The following RPS6KB1 variants were observed in gnomAD, a reference collection of about 807,000 sequenced individuals.
The protein encoded by RPS6KB1 is ribosomal protein S6 kinase beta-1.
RPS6KB1 carries 12 observed loss-of-function variants against 70.2 expected under a neutral mutation model. The observed-to-expected ratio is 0.17, with a 90% CI of 0.11 to 0.28. The LOEUF is 0.28. Ranked by LOEUF, RPS6KB1 falls within the 10% of genes least tolerant of loss-of-function variation. The probability of loss-of-function intolerance (pLI) is 1.00; values close to 1 mark genes in which losing one functional copy is unlikely to be tolerated. For synonymous variants in RPS6KB1, 175 were observed against 211.2 expected (o/e 0.83, Z 1.49); for missense variants, 270 against 646.6 (o/e 0.42, Z 6.32).
At chr17:59,911,074 GGAGTTC>G (rs2042602516) in intron 2 of RPS6KB1, among the ~76,000 whole-genome samples, 1 of 152,198 alleles carries the variant, frequency 6.6e-6, no homozygotes, top group Non-Finnish European at 1.5e-5. Context: ...TTTGAGATCA[GGAGTTC>G]GAGACCAGCC....
chr17:59,934,705 C>T lies in RPS6KB1; in HGVS notation c.870+181C>T. The stretch of plus-strand genomic sequence containing the variant: ...ATATGGGATCCCATACTTTCCGAAA[C>T]ATTTTCTTTTAAATGATCTATGTCA... On this transcript the variant is annotated intron_variant, in intron 9 of 14. Coordinates refer to ENST00000225577, the MANE Select transcript of RPS6KB1 (RefSeq NM_003161.4). The surrounding 1 kb of genome is among the most constrained non-coding windows in gnomAD (Gnocchi z 4.8). The T allele has an allele frequency of 1.9e-6, 1 of 528,692 alleles. No homozygotes were observed. Among genetic ancestry groups the T allele is most frequent in the South Asian group, 3.2e-5 (1 of 31,522 alleles). The allele number at this position is 528,692 out of a possible 1,614,324, so 32.8% of individuals were successfully genotyped here. A position where few individuals can be genotyped will look rare whatever the true frequency, so the allele number is the denominator to read the frequency against.
chr17:59,904,931 G>T (rs964712678), intron 1 of RPS6KB1, among the ~76,000 whole-genome samples: 3 of 151,656 alleles, frequency 2.0e-5, no homozygotes, highest in Non-Finnish European at 4.4e-5. Flanking sequence ...TCCTGACCTT[G>T]TGATCTGTCT....
rs1347944659 is a variant in RPS6KB1, at chr17:59,946,493, T to TA, written c.1341-57dup. ...CCACTCCCTTTAAACGTAAAGGAAA[T>TA]ATGTCTTGTTGAGATGACCCTTAAG... On this transcript the variant is annotated intron_variant, in intron 14 of 14. Transcript: ENST00000225577. This position sits in a 1 kb window ranked among gnomAD's most constrained non-coding sequence, Gnocchi z 4.2. 1.2e-5 allele frequency: 15 copies of TA among 1,255,802 alleles called. No individual in the cohort carries two copies. The highest frequency in any genetic ancestry group is 1.6e-5 in the Non-Finnish European group (14 of 859,608). The allele number at this position is 1,255,802 out of a possible 1,614,324, so 77.8% of individuals were successfully genotyped here.
At chr17:59,941,951 C>T (rs540080202) in intron 13 of RPS6KB1, among the ~76,000 whole-genome samples, 50 of 150,860 alleles carry the variant, frequency 3.3e-4, no homozygotes, top group South Asian at 1.5e-3. Flanking sequence ...CTCCACCTCC[C>T]GGGTTCACAC....
At chr17:59,896,148 C>T (rs2041545536) in intron 1 of RPS6KB1, among the ~76,000 whole-genome samples, 2 of 152,080 alleles carry the variant, frequency 1.3e-5, no homozygotes, top group Admixed American at 6.6e-5. Context: ...TTTATATCTT[C>T]ATTAGTTGAA....
intron 2 of RPS6KB1, among the ~76,000 whole-genome samples, chr17:59,911,005 G>A (rs1448819476): frequency 6.6e-6 from 1 of 152,130 alleles, no homozygotes; most frequent in African/African-American, 2.4e-5. Flanking sequence ...CAATCCGGCT[G>A]GGCACAGTGG....
intron 1 of RPS6KB1, among the ~76,000 whole-genome samples, chr17:59,901,564 T>C (rs1219151475): frequency 7.4e-6 from 1 of 135,260 alleles, no homozygotes; most frequent in African/African-American, 2.9e-5. Context: ...CCAAGGCAGA[T>C]GGAGCGCATG....
At position 59,946,876 on chromosome 17, in the gene RPS6KB1, C is replaced by T; in HGVS notation, c.*88C>T. On this transcript the variant is annotated 3_prime_UTR_variant, in exon 15 of 15. Transcript: ENST00000225577. This position sits in a 1 kb window ranked among gnomAD's most constrained non-coding sequence, Gnocchi z 4.2. Reference sequence around the variant, plus strand: ...TGCAAGGTGAAACGACTCAAAATGACAGTTTCAGAGAGTCAATGTCATTAC... The same window carrying T: ...TGCAAGGTGAAACGACTCAAAATGATAGTTTCAGAGAGTCAATGTCATTAC... The T allele has an allele frequency of 6.3e-7, 1 of 1,583,940 alleles. No individual in the cohort carries two copies. The highest frequency in any genetic ancestry group is 8.6e-7 in the Non-Finnish European group (1 of 1,162,634).
intron 1 of RPS6KB1, among the ~76,000 whole-genome samples, chr17:59,900,789 GTT>G (rs1390029829): frequency 2.6e-5 from 4 of 152,050 alleles, no homozygotes. Context: ...GTTTTTTGTT[GTT>G]TTTTGTTTAT....
chr17:59,908,810 G>C (rs1362794567), intron 1 of RPS6KB1, among the ~76,000 whole-genome samples: 2 of 142,086 alleles, frequency 1.4e-5, no homozygotes, highest in African/African-American at 5.4e-5. Context: ...AGTAGAGACG[G>C]GGTTTCACCG....
intron 1 of RPS6KB1, among the ~76,000 whole-genome samples, chr17:59,894,467 C>T (rs1330267791): frequency 1.3e-5 from 2 of 152,186 alleles, no homozygotes; most frequent in African/African-American, 2.4e-5. Context: ...ACAGGGGCTT[C>T]CTTTCCCTTG....
Position 59,930,072 on chromosome 17 carries a change from A to T in RPS6KB1, c.530-45A>T, listed in dbSNP as rs551461954. Reference sequence around the variant, plus strand: ...ACTCTCTCATTAGAAGTGGGTTGGAAATAAATATTGTTTTATTTATAATGT... The same window carrying T: ...ACTCTCTCATTAGAAGTGGGTTGGATATAAATATTGTTTTATTTATAATGT... On this transcript the variant is annotated intron_variant, in intron 5 of 14. Coordinates refer to ENST00000225577, the MANE Select transcript of RPS6KB1 (RefSeq NM_003161.4). 7 of 1,003,218 alleles carry T rather than the reference A, an allele frequency of 7.0e-6. No individual in the cohort carries two copies. The East Asian group carries it at 1.7e-4, about 24-fold the overall frequency. 62.1% of individuals were successfully genotyped at this position (1,003,218 alleles called of 1,614,324 possible).
chr17:59,934,846 C>T lies in RPS6KB1; in HGVS notation c.870+322C>T. On this transcript the variant is annotated intron_variant, in intron 9 of 14. Coordinates refer to ENST00000225577, the MANE Select transcript of RPS6KB1 (RefSeq NM_003161.4). The surrounding 1 kb of genome is among the most constrained non-coding windows in gnomAD (Gnocchi z 4.8). ...ACACAGAAAGTTAATGGTGGAAACACAGGCTTCCTTCCAGGACACTGCTAC... is the reference window on the plus strand; with the variant it reads ...ACACAGAAAGTTAATGGTGGAAACATAGGCTTCCTTCCAGGACACTGCTAC... 2.6e-6 allele frequency: 1 copy of T among 377,822 alleles called. No homozygotes were observed. The highest frequency in any genetic ancestry group is 5.1e-5 in the East Asian group (1 of 19,726). The allele number at this position is 377,822 out of a possible 1,614,324, so 23.4% of individuals were successfully genotyped here.
At chr17:59,939,999 A>G (rs377486583) in intron 12 of RPS6KB1, among the ~76,000 whole-genome samples, 2 of 152,224 alleles carry the variant, frequency 1.3e-5, no homozygotes, top group African/African-American at 4.8e-5. Context: ...TAACTTATAA[A>G]CCATGCAGAA....
chr17:59,929,765 A>G (rs1051799155), intron 5 of RPS6KB1, among the ~76,000 whole-genome samples: 3 of 152,218 alleles, frequency 2.0e-5, no homozygotes, highest in Admixed American at 6.5e-5. Flanking sequence ...ATTGTAGACT[A>G]TCATTTTTCT....
At chr17:59,930,298 G>C (rs1331085115) in intron 6 of RPS6KB1, 124 bp downstream of exon 6, 6 of 733,768 alleles carry the variant, frequency 8.2e-6, no homozygotes, top group Non-Finnish European at 1.3e-5. Context: ...GGACCTCAAG[G>C]GGGAGAAGCA....
intron 1 of RPS6KB1, chr17:59,906,875 G>A (rs1314083574): frequency 1.3e-5 from 2 of 150,714 alleles, no homozygotes; most frequent in Non-Finnish European, 2.9e-5. Context: ...TGTATTTTTA[G>A]TAGAGATGGG....
intron 12 of RPS6KB1, among the ~76,000 whole-genome samples, chr17:59,937,999 C>G (rs1408507327): frequency 6.6e-6 from 1 of 151,998 alleles, no homozygotes; most frequent in Non-Finnish European, 1.5e-5. Context: ...AATGTCCCCA[C>G]TTTAAAAAAC....
intron 1 of RPS6KB1, among the ~76,000 whole-genome samples, chr17:59,900,654 C>T (rs1235083431): frequency 7.9e-5 from 12 of 152,028 alleles, no homozygotes; most frequent in African/African-American, 2.4e-4. Context: ...GTGAGCCACG[C>T]GCCTGGCCTG....
Sources: allele counts gnomAD v4.1 joint callset (sites outside exome capture counted in the v4.1 genomes callset), GRCh38; gene constraint gnomAD v4.1.1; non-coding constraint Gnocchi (gnomAD v3.1); transcripts MANE v1.5; gene names NCBI Gene and HGNC (gene_info 2026-07-23, HGNC 2026-07-21).